The following CFAP57 variants were observed in gnomAD, a reference collection of about 807,000 sequenced individuals.
CFAP57 encodes the protein cilia- and flagella-associated protein 57.
Under a neutral mutation model 146.8 loss-of-function variants are expected in CFAP57, and 116 were observed. That is an observed-to-expected ratio of 0.79 (90% CI 0.68 to 0.92). The LOEUF (loss-of-function observed/expected upper bound fraction) is 0.92, where lower values mean the gene tolerates loss of function less well. Among genes scored for constraint, CFAP57 ranks in the 40% least tolerant of loss-of-function variants. The pLI is 0.00. For synonymous variants in CFAP57, 518 were observed against 552.8 expected, an observed-to-expected ratio of 0.94 and a Z score of 0.88; for missense variants, 1,377 against 1,527.2, an observed-to-expected ratio of 0.90 and a Z score of 1.64.
rs373349969 is a variant in CFAP57, at chr1:43,230,852, C to A, written c.3010-1656C>A. On this transcript the variant is annotated intron_variant, in intron 18 of 22. Transcript: ENST00000372492. ...TTTCTTATCCTTGCAGACCTGAGGC[C>A]TCTTGAAGGCAGAAACTACTTCTTA... 5.3e-5 allele frequency among the ~76,000 whole-genome samples: 8 copies of A among 152,290 alleles called. No individual in the cohort carries two copies. In the South Asian group the frequency reaches 1.7e-3, roughly 32 times the overall value.
At chr1:43,231,603 C>T (rs1027857213) in intron 18 of CFAP57, among the ~76,000 whole-genome samples, 6 of 151,544 alleles carry the variant, frequency 4.0e-5, no homozygotes, top group African/African-American at 1.5e-4. Context: ...CCTGTAATCC[C>T]AGCACTTTGG....
At chr1:43,234,773 C>T in intron 21 of CFAP57, 135 bp downstream of exon 21, 1 of 1,140,098 alleles carries the variant, frequency 8.8e-7, no homozygotes, top group Non-Finnish European at 1.2e-6. Flanking sequence ...CCCCTAAAGT[C>T]TTATTTTGGC....
chr1:43,223,016 A>G lies in CFAP57; in HGVS notation c.2706+19A>G, dbSNP rs781434524. 81 of 1,542,764 alleles carry G rather than the reference A, an allele frequency of 5.3e-5. No homozygotes were observed. The highest frequency in any genetic ancestry group is 7.9e-5 in the Admixed American group (4 of 50,422). On this transcript the variant is annotated intron_variant, in intron 16 of 22. Transcript: ENST00000372492. Reference sequence around the variant, plus strand: ...GAAGAAGGTAGCAGGCTGTTCTCCAAGAGACCTAGGGTGGGCGAGGGTGTT... The same window carrying G: ...GAAGAAGGTAGCAGGCTGTTCTCCAGGAGACCTAGGGTGGGCGAGGGTGTT...
chr1:43,208,421 T>C (rs1644447565), intron 10 of CFAP57, among the ~76,000 whole-genome samples: 1 of 152,148 alleles, frequency 6.6e-6, no homozygotes, highest in African/African-American at 2.4e-5. Context: ...TAGACTGGAT[T>C]AAGAAAATGT....
rs569811318 is a variant in CFAP57 at position 43,192,972 on chromosome 1, C to T, written c.1123-4581C>T. 4.7e-4 allele frequency among the ~76,000 whole-genome samples: 72 copies of T among 152,182 alleles called. 1 individual carries two copies. The highest frequency in any genetic ancestry group is 1.6e-3 in the African/African-American group (67 of 41,558). ...AAAGAAAGTGGTATATTGCAATCTT[C>T]AACTCCTATTGTTGAGCTGTCTATT... is the stretch of plus-strand genomic sequence containing the variant. On this transcript the variant is annotated intron_variant, in intron 6 of 22. Coordinates refer to ENST00000372492, the MANE Select transcript of CFAP57 (RefSeq NM_001378189.1).
At chr1:43,249,579 G>A (rs371496616) in intron 22 of CFAP57, among the ~76,000 whole-genome samples, 12 of 139,968 alleles carry the variant, frequency 8.6e-5, no homozygotes, top group Admixed American at 1.4e-4. Context: ...ACAGGCACAC[G>A]CCACCACACC....
chr1:43,195,276 C>T (rs980476955), intron 6 of CFAP57, among the ~76,000 whole-genome samples: 2 of 152,138 alleles, frequency 1.3e-5, no homozygotes, highest in Non-Finnish European at 2.9e-5. Flanking sequence ...ATAATCCCAG[C>T]ACTTTGGGAA....
At chr1:43,237,893 G>A (rs921619189) in intron 21 of CFAP57, among the ~76,000 whole-genome samples, 2 of 152,130 alleles carry the variant, frequency 1.3e-5, no homozygotes, top group Non-Finnish European at 2.9e-5. Flanking sequence ...GTTTTGAAAA[G>A]ACAAAACACT....
At chr1:43,202,811 G>T (rs988363215) in intron 9 of CFAP57, among the ~76,000 whole-genome samples, 6 of 150,148 alleles carry the variant, frequency 4.0e-5, no homozygotes, top group African/African-American at 1.5e-4. Context: ...AAAAAAAATT[G>T]AAAGGATATT....
intron 22 of CFAP57, among the ~76,000 whole-genome samples, chr1:43,245,903 T>G (rs1646098751): frequency 6.6e-6 from 1 of 152,210 alleles, no homozygotes; most frequent in African/African-American, 2.4e-5. Flanking sequence ...GTTGCAATTT[T>G]TATATACTAA....
intron 22 of CFAP57, among the ~76,000 whole-genome samples, chr1:43,248,933 G>A (rs1300717412): frequency 6.6e-6 from 1 of 151,784 alleles, no homozygotes; most frequent in Non-Finnish European, 1.5e-5. Context: ...CCAGGCTGGA[G>A]TGCAGTGGCG....
chr1:43,234,252 A>G, intron 19 of CFAP57, 27 bp from the exon 20 acceptor site: 1 of 1,533,592 alleles, frequency 6.5e-7, no homozygotes, highest in Non-Finnish European at 8.8e-7. Flanking sequence ...ACCCTACAGC[A>G]CCAGAAGGAA....
At chr1:43,208,538 G>T (rs939788170) in intron 10 of CFAP57, among the ~76,000 whole-genome samples, 1 of 152,118 alleles carries the variant, frequency 6.6e-6, no homozygotes, top group Non-Finnish European at 1.5e-5. Context: ...GCAAACTATC[G>T]CAAGGACAGA....
chr1:43,248,977 G>A (rs1254501373), intron 22 of CFAP57, among the ~76,000 whole-genome samples: 3 of 151,408 alleles, frequency 2.0e-5, no homozygotes, highest in Non-Finnish European at 2.9e-5. Flanking sequence ...CGCCTCCCGG[G>A]TTCATGCCAT....
chr1:43,223,127 G>GTGCTCTTCTCCCAGCCT, intron 16 of CFAP57, 130 bp downstream of exon 16: 1 of 1,048,758 alleles, frequency 9.5e-7, no homozygotes, highest in Non-Finnish European at 1.3e-6. Flanking sequence ...GAGCAGGCTG[G>GTGCTCTTCTCCCAGCCT]GAGAAGAGCA....
chr1:43,202,731 C>T (rs562274941), intron 9 of CFAP57, among the ~76,000 whole-genome samples: 11 of 150,320 alleles, frequency 7.3e-5, no homozygotes, highest in East Asian at 2.0e-4. Flanking sequence ...TGCAGTGAGC[C>T]GAGATTATGC....
At chr1:43,209,372 G>GACTA (rs1644494348) in intron 10 of CFAP57, among the ~76,000 whole-genome samples, 1 of 152,202 alleles carries the variant, frequency 6.6e-6, no homozygotes, top group Non-Finnish European at 1.5e-5. Context: ...TCACACAGAT[G>GACTA]GTCCGTCATC....
In CFAP57 at chr1:43,238,985, G is replaced by A. The variant is rs1198975; in HGVS notation, c.3406-4242G>A. Among the ~76,000 whole-genome samples, 46,485 of 151,552 alleles carry A rather than the reference G, an allele frequency of 0.31. 8,429 individuals carry two copies. The highest frequency in any genetic ancestry group is 0.41 in the Non-Finnish European group (27,748 of 67,870). Reference sequence around the variant, plus strand: ...TGCAATTGTGGTTACTCTTATTATCGTTATCATCAAGCTCTTCCTGCCTTA... The same window carrying A: ...TGCAATTGTGGTTACTCTTATTATCATTATCATCAAGCTCTTCCTGCCTTA... On this transcript the variant is annotated intron_variant, in intron 21 of 22. Coordinates refer to ENST00000372492, the MANE Select transcript of CFAP57 (RefSeq NM_001378189.1). The surrounding 1 kb of genome is among the most constrained non-coding windows in gnomAD (Gnocchi z 4.3).
At chr1:43,212,753 T>G (rs1644668359) in intron 11 of CFAP57, among the ~76,000 whole-genome samples, 1 of 151,958 alleles carries the variant, frequency 6.6e-6, no homozygotes, top group Non-Finnish European at 1.5e-5. Context: ...GCCAACATGA[T>G]GAAACCCCCG....
Sources: gnomAD v4.1 joint callset for allele counts (sites outside exome capture counted in the v4.1 genomes callset) on GRCh38, gnomAD v4.1.1 for gene constraint, Gnocchi (gnomAD v3.1) non-coding constraint, MANE v1.5 for transcripts, NCBI Gene and HGNC (gene_info 2026-07-23, HGNC 2026-07-21) for gene names.